The following RPL14 variants were observed in gnomAD, a reference collection of about 807,000 sequenced individuals.
RPL14 encodes ribosomal protein L14.
A neutral mutation model predicts 25.3 loss-of-function variants in RPL14; 4 were observed. The ratio of observed to expected loss-of-function variants is 0.16; its 90% CI spans 0.08 to 0.36. The LOEUF is 0.36. Ranked by LOEUF, RPL14 falls within the 10% of genes least tolerant of loss-of-function variation. The pLI is 1.00. For synonymous variants in RPL14, 75 were observed against 89.8 expected (o/e 0.84, Z 0.93); for missense variants, 212 against 261.9 (o/e 0.81, Z 1.31).
rs76420949 is a variant in RPL14 at position 40,464,279 on chromosome 3, A to G, written c.*2047A>G. The G allele has an allele frequency of 1.6e-3, 554 of 354,974 alleles. No homozygotes were observed. Among genetic ancestry groups the G allele is most frequent in the African/African-American group, 0.01 (488 of 46,916 alleles). 22.0% of individuals were successfully genotyped at this position (354,974 alleles called of 1,614,324 possible). A position where few individuals can be genotyped will look rare whatever the true frequency, so the allele number is the denominator to read the frequency against. On this transcript the variant is annotated 3_prime_UTR_variant, in exon 6 of 6. Transcript: ENST00000396203. ...CTGGCCAGGAATACATTTTAAATAA[A>G]TTTGTTTCCTAACCAAAAGCTAGCT...
intron 5 of RPL14, 69 bp from the exon 6 acceptor site, chr3:40,461,870 A>G: frequency 6.6e-7 from 1 of 1,512,608 alleles, no homozygotes; most frequent in Non-Finnish European, 8.9e-7. Flanking sequence ...GCCCTTTCTA[A>G]AACCAGCATA....
chr3:40,460,085 A>T (rs1482086881), intron 3 of RPL14, among the ~76,000 whole-genome samples: 1 of 151,964 alleles, frequency 6.6e-6, no homozygotes, highest in Non-Finnish European at 1.5e-5. Context: ...GGTAACTTAG[A>T]TTTTTCACTA....
chr3:40,458,271 C>T, intron 2 of RPL14: 1 of 536,652 alleles, frequency 1.9e-6, no homozygotes, highest in Admixed American at 3.3e-5. Context: ...TAGAACAGAT[C>T]CAGCACGTAG....
chr3:40,464,357 C>G lies in RPL14; in HGVS notation c.*2125C>G. The G allele has an allele frequency of 2.5e-6, 1 of 405,684 alleles. No homozygotes were observed. 25.1% of individuals were successfully genotyped at this position (405,684 alleles called of 1,614,324 possible). On this transcript the variant is annotated 3_prime_UTR_variant, in exon 6 of 6. Coordinates refer to ENST00000396203, the MANE Select transcript of RPL14 (RefSeq NM_001034996.3). ...GCACATTGATTTGCTTGATAATAGG[C>G]AAGTGGTATGGTGTAATAAGGAAAA...
Position 40,462,109 on chromosome 3 carries a change from C to G in RPL14, c.525C>G (p.Ala175=). ...KITAASKKAP[A]QKVPAQKATG... Reference sequence around the variant, plus strand: ...CCGCCGCGAGTAAAAAGGCTCCAGCCCAGAAGGTTCCTGCCCAGAAAGCCA... The same window carrying G: ...CCGCCGCGAGTAAAAAGGCTCCAGCGCAGAAGGTTCCTGCCCAGAAAGCCA... The change falls in exon 6 of 6, where the codon GCC becomes GCG. Residue 175 remains alanine, a synonymous_variant. Transcript: ENST00000396203. 1 of 1,611,556 alleles carries G rather than the reference C, an allele frequency of 6.2e-7. No individual in the cohort carries two copies. The highest frequency in any genetic ancestry group is 8.5e-7 in the Non-Finnish European group (1 of 1,178,826).
intron 5 of RPL14, 84 bp downstream of exon 5, chr3:40,461,745 C>T (rs1696939655): frequency 1.4e-6 from 2 of 1,394,336 alleles, no homozygotes; most frequent in South Asian, 2.6e-5. Flanking sequence ...AGGCTGCCAG[C>T]TTCTTGGAAG....
At chr3:40,458,481 T>C (rs542677040) in intron 2 of RPL14, 161 bp from the exon 3 acceptor site, 1 of 613,684 alleles carries the variant, frequency 1.6e-6, no homozygotes, top group South Asian at 1.9e-5. Flanking sequence ...GACATACATA[T>C]ATATAACCCA....
chr3:40,466,745 G>C lies in RPL14; in HGVS notation c.*4513G>C, dbSNP rs1437515261. ...CTAGTGCAATTCTTTTTACACATTA[G>C]GTACTTAGTAATTTGGGTTGAATTG... On this transcript the variant is annotated 3_prime_UTR_variant, in exon 6 of 6. Transcript: ENST00000396203. 1 of 152,128 alleles carries C rather than the reference G, an allele frequency of 6.6e-6. No individual in the cohort carries two copies. The highest frequency in any genetic ancestry group is 6.5e-5 in the Admixed American group (1 of 15,272). 9.4% of individuals were successfully genotyped at this position (152,128 alleles called of 1,614,324 possible).
At chr3:40,458,777 T>G (rs1490861131) in intron 3 of RPL14, 41 bp downstream of exon 3, 1 of 1,523,954 alleles carries the variant, frequency 6.6e-7, no homozygotes. Flanking sequence ...ATCCCCAGAT[T>G]TGTTTATGCT....
At chr3:40,459,858 C>A (rs375287042) in intron 3 of RPL14, among the ~76,000 whole-genome samples, 310 of 90,920 alleles carry the variant, frequency 3.4e-3, no homozygotes, top group African/African-American at 4.1e-3. Flanking sequence ...GACTCCGTTT[C>A]AAAAAAAAAA....
In RPL14 at chr3:40,462,026, G is replaced by A. The variant is rs1208666900; in HGVS notation, c.442G>A (p.Gly148Ser). The A allele has an allele frequency of 4.4e-6, 7 of 1,588,366 alleles. No homozygotes were observed. Among genetic ancestry groups the A allele is most frequent in the Non-Finnish European group, 4.2e-6 (5 of 1,176,638 alleles). Residue 148 changes from glycine to serine, a missense_variant, in exon 6 of 6, where the codon GGT becomes AGT. This residue lies in a region of RPL14 where 143 missense variants were observed against 180.3 expected (regional missense o/e 0.79). Coordinates refer to ENST00000396203, the MANE Select transcript of RPL14 (RefSeq NM_001034996.3). ...ASPKKAPGTK[G>S]TAAAAAAAAA... The stretch of plus-strand genomic sequence containing the variant: ...TCCCAAAAAAGCACCTGGTACTAAG[G>A]GTACTGCTGCTGCTGCTGCTGCTGC...
chr3:40,457,669 G>T, intron 1 of RPL14, 195 bp downstream of exon 1: 1 of 655,576 alleles, frequency 1.5e-6, no homozygotes, highest in South Asian at 1.9e-5. Context: ...TGCCGTGTGG[G>T]CCTTGCGGAC....
At chr3:40,458,186 G>A (rs1696874779) in intron 2 of RPL14, 195 bp downstream of exon 2, 1 of 601,968 alleles carries the variant, frequency 1.7e-6, no homozygotes, top group Non-Finnish European at 3.0e-6. Flanking sequence ...TTCAGTATTA[G>A]CCACTTAAGC....
chr3:40,457,370 C>CT lies in RPL14; in HGVS notation c.-100dup, dbSNP rs1442328143. ...GCCTAACGCCGCCAACATGGTGAGT[C>CT]TTACTGTTGCGGGCTCCGGGGCCGT... On this transcript the variant is annotated 5_prime_UTR_variant, in exon 1 of 6. The change abolishes the stop of an existing upstream ORF in the 5' untranslated region. Transcript: ENST00000396203. The CT allele has an allele frequency of 6.2e-7, 1 of 1,607,544 alleles. No homozygotes were observed. Among genetic ancestry groups the CT allele is most frequent in the South Asian group, 1.1e-5 (1 of 90,598 alleles).
At position 40,458,004 on chromosome 3, in the gene RPL14, A is replaced by G. The variant is rs752634907; in HGVS notation, c.105+13A>G. 12 of 1,608,964 alleles carry G rather than the reference A, an allele frequency of 7.5e-6. No individual in the cohort carries two copies. Among genetic ancestry groups the G allele is most frequent in the East Asian group, 6.7e-5 (3 of 44,866 alleles). On this transcript the variant is annotated intron_variant, in intron 2 of 5. Transcript: ENST00000396203. ...TGATCAGAACAGGGTAAGTGTCACA[A>G]CTTTTTACTAAACATGGCAGTGGAC...
chr3:40,457,669 G>A, intron 1 of RPL14, 195 bp downstream of exon 1: 1 of 655,576 alleles, frequency 1.5e-6, no homozygotes, highest in Non-Finnish European at 2.6e-6. Flanking sequence ...TGCCGTGTGG[G>A]CCTTGCGGAC....
chr3:40,461,878 A>G (rs1696942244), intron 5 of RPL14, 61 bp from the exon 6 acceptor site: 1 of 1,525,736 alleles, frequency 6.6e-7, no homozygotes, highest in South Asian at 1.3e-5. Flanking sequence ...TAAAACCAGC[A>G]TAAATTGGAT....
chr3:40,462,366 T>TCA lies in RPL14; in HGVS notation c.*135_*136dup. On this transcript the variant is annotated 3_prime_UTR_variant, in exon 6 of 6. Transcript: ENST00000396203. ...TAGGATTATAATAAACATTAAATAA[T>TCA]CAGTTCCTTTTTTTTTTTTTTTTTT... The TCA allele has an allele frequency of 1.5e-6, 1 of 688,264 alleles. No homozygotes were observed. The highest frequency in any genetic ancestry group is 2.2e-6 in the Non-Finnish European group (1 of 451,570). 42.6% of individuals were successfully genotyped at this position (688,264 alleles called of 1,614,324 possible).
rs931174165 is a variant in RPL14 at position 40,462,558 on chromosome 3, A to G, written c.*326A>G. 3 of 197,686 alleles carry G rather than the reference A, an allele frequency of 1.5e-5. No individual in the cohort carries two copies. Among genetic ancestry groups the G allele is most frequent in the African/African-American group, 4.8e-5 (2 of 41,868 alleles). 12.2% of individuals were successfully genotyped at this position (197,686 alleles called of 1,614,324 possible). Reference sequence around the variant, plus strand: ...CGCCTGGCTAATTTTTTGTATTTTTAGTAGAGACGGGGTTTCACCGTGTTA... The same window carrying G: ...CGCCTGGCTAATTTTTTGTATTTTTGGTAGAGACGGGGTTTCACCGTGTTA... On this transcript the variant is annotated 3_prime_UTR_variant, in exon 6 of 6. Coordinates refer to ENST00000396203, the MANE Select transcript of RPL14 (RefSeq NM_001034996.3).
Sources: allele counts gnomAD v4.1 joint callset (sites outside exome capture counted in the v4.1 genomes callset), GRCh38; gene constraint gnomAD v4.1.1; regional missense constraint gnomAD v4.1.1; transcripts MANE v1.5; gene names NCBI Gene and HGNC (gene_info 2026-07-23, HGNC 2026-07-21).